PSD3: variants seen among roughly 807,000 people sequenced by gnomAD.
The protein encoded by PSD3 is PH and SEC7 domain-containing protein 3.
PSD3 carries 49 observed loss-of-function variants against 105.5 expected under a neutral mutation model. The ratio of observed to expected loss-of-function variants is 0.46; its 90% CI spans 0.37 to 0.59. The LOEUF (loss-of-function observed/expected upper bound fraction) is 0.59. PSD3 is among the 20% of genes least tolerant of loss of function. The pLI is 0.00. For missense variants in PSD3, 1,561 were observed against 1,263.8 expected, an observed-to-expected ratio of 1.24 and a Z score of -3.57; for synonymous variants, 557 against 457.8, an observed-to-expected ratio of 1.22 and a Z score of -2.77.
chr8:18,812,895 C>G (rs1480811255), intron 4 of PSD3, among the ~76,000 whole-genome samples: 1 of 152,088 alleles, frequency 6.6e-6, no homozygotes, highest in Non-Finnish European at 1.5e-5. Flanking sequence ...CCCTCTAACA[C>G]ACAGGAAGTC....
At chr8:18,552,442 C>T (rs1585223940) in intron 15 of PSD3, among the ~76,000 whole-genome samples, 1 of 152,066 alleles carries the variant, frequency 6.6e-6, no homozygotes, top group East Asian at 1.9e-4. Context: ...ACATTAGGGC[C>T]AACTGCATTG....
At chr8:18,675,614 T>C (rs191671771) in intron 9 of PSD3, among the ~76,000 whole-genome samples, 2 of 152,160 alleles carry the variant, frequency 1.3e-5, no homozygotes, top group African/African-American at 4.8e-5. Flanking sequence ...AGAATCTACC[T>C]AGAAAAACAA....
chr8:18,736,003 A>G lies in PSD3; in HGVS notation c.2172+29446T>C, dbSNP rs1328375375. Among the ~76,000 whole-genome samples the G allele has an allele frequency of 6.6e-5, 10 of 152,308 alleles. No homozygotes were observed. The East Asian group carries it at 1.9e-3, about 29-fold the overall frequency. On this transcript the variant is annotated intron_variant, in intron 9 of 15. Transcript: ENST00000327040. Reference sequence around the variant, plus strand: ...AACTAGATATATCTAACTACAAAAAACAATCTAACTATAAATTGTTTTTAT... The same window carrying G: ...AACTAGATATATCTAACTACAAAAAGCAATCTAACTATAAATTGTTTTTAT...
chr8:18,816,432 T>C (rs1812228475), intron 4 of PSD3, among the ~76,000 whole-genome samples: 1 of 152,210 alleles, frequency 6.6e-6, no homozygotes, highest in African/African-American at 2.4e-5. Flanking sequence ...TCTTAACTAA[T>C]AAGCTATGTG....
intron 12 of PSD3, among the ~76,000 whole-genome samples, chr8:18,595,229 A>AC (rs71217388): frequency 0.14 from 20,260 of 149,236 alleles, 1,484 homozygotes; most frequent in African/African-American, 0.16. Context: ...AAACAAACAA[A>AC]AAAAACCCTA....
rs184508067 is a variant in PSD3 at position 18,783,674 on chromosome 8, C to T, written c.2082+15621G>A. Among the ~76,000 whole-genome samples the T allele has an allele frequency of 3.6e-3, 553 of 152,256 alleles. 16 individuals are homozygous for T. The highest frequency in any genetic ancestry group is 1.3e-3 in the East Asian group (7 of 5,192). On this transcript the variant is annotated intron_variant, in intron 8 of 15. Coordinates refer to ENST00000327040, the MANE Select transcript of PSD3 (RefSeq NM_015310.4). ...GTTGAGACGTAGTCTTGCTCTGTTG[C>T]CCAGGCTGGAGTGCAGTGGCACAAT...
intron 3 of PSD3, among the ~76,000 whole-genome samples, chr8:18,870,750 A>T (rs1817280541): frequency 6.6e-6 from 1 of 152,170 alleles, no homozygotes; most frequent in South Asian, 2.1e-4. Context: ...CCATGTGAAT[A>T]CCAGGGAACA....
intron 4 of PSD3, among the ~76,000 whole-genome samples, chr8:18,850,089 C>T (rs1034785979): frequency 6.6e-6 from 1 of 152,222 alleles, no homozygotes; most frequent in Non-Finnish European, 1.5e-5. Flanking sequence ...AATGTCCACA[C>T]AGGATAGATG....
chr8:19,058,789 T>C (rs1483413692), intron 1 of PSD3, among the ~76,000 whole-genome samples: 1 of 152,108 alleles, frequency 6.6e-6, no homozygotes, highest in Non-Finnish European at 1.5e-5. Flanking sequence ...TACCGAGGCC[T>C]GTAGGGTGAG....
At chr8:18,965,057 C>G (rs1409517592) in intron 1 of PSD3, among the ~76,000 whole-genome samples, 1 of 152,194 alleles carries the variant, frequency 6.6e-6, no homozygotes, top group African/African-American at 2.4e-5. Context: ...GCGGCTAACT[C>G]ATTGCTTAGA....
In PSD3 at chr8:18,872,243, T is replaced by C; in HGVS notation, c.621A>G (p.Glu207=). The C allele has an allele frequency of 6.2e-7, 1 of 1,614,214 alleles. No homozygotes were observed. Among genetic ancestry groups the C allele is most frequent in the South Asian group, 1.1e-5 (1 of 91,090 alleles). The part of the protein sequence containing the change: ...IPLSAEVTTE[E]SFYLSIQKDL... The stretch of plus-strand genomic sequence containing the variant: ...CTTTCTGGATGCTCAAATAAAAACT[T>C]TCCTCCGTTGTTACTTCAGCTGAAA... The change falls in exon 3 of 16, where the codon GAA becomes GAG. Residue 207 remains glutamate (E), a synonymous_variant. Transcript: ENST00000327040.
intron 12 of PSD3, among the ~76,000 whole-genome samples, chr8:18,596,344 G>C (rs151235275): frequency 3.9e-4 from 59 of 151,946 alleles, no homozygotes; most frequent in African/African-American, 1.3e-3. Context: ...ACCAGATAAA[G>C]TAATGCAAAG....
chr8:19,016,040 G>A (rs141733212), upstream of PSD3, among the ~76,000 whole-genome samples: 7 of 152,316 alleles, frequency 4.6e-5, no homozygotes, highest in East Asian at 1.2e-3. Flanking sequence ...AGTCAATGAA[G>A]CCTAAAGCAA....
intron 2 of PSD3, among the ~76,000 whole-genome samples, chr8:18,913,920 G>C (rs1479121338): frequency 6.6e-6 from 1 of 152,132 alleles, no homozygotes; most frequent in East Asian, 1.9e-4. Context: ...GCACCAGGCT[G>C]GCCCCTGCAG....
At chr8:18,643,991 A>G (rs1807846280) in intron 10 of PSD3, among the ~76,000 whole-genome samples, 1 of 152,144 alleles carries the variant, frequency 6.6e-6, no homozygotes, top group South Asian at 2.1e-4. Context: ...GAATGTGGGG[A>G]GCAGAGAACT....
At chr8:19,074,952 ATT>A (rs71218924) in intron 1 of PSD3, among the ~76,000 whole-genome samples, 1 of 138,516 alleles carries the variant, frequency 7.2e-6, no homozygotes, top group Non-Finnish European at 1.6e-5. Flanking sequence ...ATTAATTACT[ATT>A]TTTTTTTTTG....
chr8:19,014,494 G>A (rs180704855), upstream of PSD3: 1 of 152,412 alleles, frequency 6.6e-6, no homozygotes, highest in Admixed American at 6.5e-5. This position sits in a 1 kb window ranked among gnomAD's most constrained non-coding sequence, Gnocchi z 4.9. Context: ...CAGAGGCAAG[G>A]GCTGGAACGG....
At chr8:18,595,780 G>C (rs935037141) in intron 12 of PSD3, among the ~76,000 whole-genome samples, 1 of 152,120 alleles carries the variant, frequency 6.6e-6, no homozygotes, top group Admixed American at 6.6e-5. Context: ...AACATTGACA[G>C]GACTGAAGGT....
At chr8:18,915,047 C>T (rs1343238439) in intron 2 of PSD3, among the ~76,000 whole-genome samples, 2 of 152,100 alleles carry the variant, frequency 1.3e-5, no homozygotes, top group Non-Finnish European at 2.9e-5. Context: ...TAAAGCCTTA[C>T]TTTTATAGTC....
Sources: gnomAD v4.1 joint callset for allele counts (sites outside exome capture counted in the v4.1 genomes callset) on GRCh38, gnomAD v4.1.1 for gene constraint, Gnocchi (gnomAD v3.1) non-coding constraint, MANE v1.5 for transcripts, NCBI Gene and HGNC (gene_info 2026-07-23, HGNC 2026-07-21) for gene names.